SEMA4D: variants seen among roughly 807,000 people sequenced by gnomAD.
The protein encoded by SEMA4D is semaphorin 4D.
A neutral mutation model predicts 74.8 loss-of-function variants in SEMA4D; 22 were observed. The ratio of observed to expected loss-of-function variants is 0.29; its 90% CI spans 0.21 to 0.42. The LOEUF (loss-of-function observed/expected upper bound fraction) is 0.42. Ranked by LOEUF, SEMA4D falls within the 10% of genes least tolerant of loss-of-function variation. SEMA4D has a pLI of 1.00. For synonymous variants in SEMA4D, 445 were observed against 463.7 expected, an observed-to-expected ratio of 0.96 and a Z score of 0.52; for missense variants, 937 against 1,118.4, an observed-to-expected ratio of 0.84 and a Z score of 2.31.
At chr9:89,435,808 G>T (rs538638736) in intron 2 of SEMA4D, among the ~76,000 whole-genome samples, 1 of 152,206 alleles carries the variant, frequency 6.6e-6, no homozygotes, top group African/African-American at 2.4e-5. Context: ...TTGCATGTCC[G>T]GCCTTTCCTT....
rs1313136205 is a variant in SEMA4D at position 89,386,063 on chromosome 9, G to T, written c.1446+304C>A. On this transcript the variant is annotated intron_variant, in intron 13 of 15. Transcript: ENST00000422704. Reference sequence around the variant, plus strand: ...CCCCCCAAGCTCAGGGCATAAAAAGGTGTCTTCATGGAGCAGTGCCCACCT... The same window carrying T: ...CCCCCCAAGCTCAGGGCATAAAAAGTTGTCTTCATGGAGCAGTGCCCACCT... 3.0e-6 allele frequency: 3 copies of T among 985,330 alleles called. No individual in the cohort carries two copies. The African/African-American group carries it at 5.2e-5, about 17-fold the overall frequency. 61.0% of individuals were successfully genotyped at this position (985,330 alleles called of 1,614,324 possible).
chr9:89,363,431 C>G (rs1323789887), exon 18 of SEMA4D: 2 of 1,612,704 alleles, frequency 1.2e-6, no homozygotes, highest in Non-Finnish European at 1.7e-6. Context: ...GCCACTTACC[C>G]ACGCCTTCCT....
chr9:89,476,512 A>G (rs1190199021), intron 1 of SEMA4D, among the ~76,000 whole-genome samples: 1 of 152,176 alleles, frequency 6.6e-6, no homozygotes, highest in African/African-American at 2.4e-5. Context: ...AATCAGCTGA[A>G]GGCATGAATA....
chr9:89,418,431 G>A (rs1846167236), intron 2 of SEMA4D: 2 of 985,264 alleles, frequency 2.0e-6, no homozygotes, highest in Non-Finnish European at 2.4e-6. Context: ...ATTCCAGTTA[G>A]CAGAGTCTGT....
intron 2 of SEMA4D, among the ~76,000 whole-genome samples, chr9:89,422,969 AGCAATGTG>A (rs1276716722): frequency 1.4e-5 from 2 of 144,106 alleles, no homozygotes; most frequent in African/African-American, 2.4e-5. Context: ...GCAATGTGTC[AGCAATGTG>A]TTCTTCTCTT....
rs944186384 is a variant in SEMA4D at position 89,379,577 on chromosome 9, C to T, written c.1716G>A (p.Ala572=). Reference sequence around the variant, plus strand: ...TGGATTTTTGGGAGCATTTCAGTTCCGCTGTGCCACCGTGCTTGAAAAAAT... The same window carrying T: ...TGGATTTTTGGGAGCATTTCAGTTCTGCTGTGCCACCGTGCTTGAAAAAAT... ...RQHFFKHGGT[A]ELKCSQKSNL... is the part of the protein sequence containing the mutation. Residue 572 remains alanine (A), a synonymous_variant, in exon 16 of 16, where the codon GCG becomes GCA. Transcript: ENST00000422704. 7.4e-6 allele frequency: 12 copies of T among 1,613,872 alleles called. No homozygotes were observed. Among genetic ancestry groups the T allele is most frequent in the African/African-American group, 5.3e-5 (4 of 74,906 alleles).
chr9:89,434,018 C>G (rs72748994), intron 2 of SEMA4D, among the ~76,000 whole-genome samples: 1 of 152,184 alleles, frequency 6.6e-6, no homozygotes, highest in African/African-American at 2.4e-5. Flanking sequence ...TTGGCATGCA[C>G]GGACTGCCCC....
At position 89,455,950 on chromosome 9, in the gene SEMA4D, G is replaced by A. The variant is rs574714866; in HGVS notation, c.-306C>T. On this transcript the variant is annotated 5_prime_UTR_variant, in exon 2 of 16. Transcript: ENST00000422704. ...TTCTTTCCACTATCTGGTGTTAGCA[G>A]AGTCTGAAACAGAGTTAGAAAAGGG... 8.6e-4 allele frequency: 131 copies of A among 152,380 alleles called. No homozygotes were observed. The highest frequency in any genetic ancestry group is 3.0e-3 in the African/African-American group (125 of 41,592). The allele number at this position is 152,380 out of a possible 1,614,324, so 9.4% of individuals were successfully genotyped here.
intron 1 of SEMA4D, among the ~76,000 whole-genome samples, chr9:89,479,091 G>A (rs1862517222): frequency 6.6e-6 from 1 of 152,206 alleles, no homozygotes; most frequent in African/African-American, 2.4e-5. Context: ...GAGCTCCCAT[G>A]GCTGCCTGTG....
intron 2 of SEMA4D, among the ~76,000 whole-genome samples, chr9:89,424,983 C>G (rs1029585818): frequency 6.6e-6 from 1 of 152,132 alleles, no homozygotes; most frequent in African/African-American, 2.4e-5. Flanking sequence ...CTAGTGTCCC[C>G]AAAGGAAGCC....
At chr9:89,452,336 G>GC (rs1398114498) in intron 2 of SEMA4D, among the ~76,000 whole-genome samples, 1 of 151,908 alleles carries the variant, frequency 6.6e-6, no homozygotes, top group Non-Finnish European at 1.5e-5. Context: ...CCACCACAAT[G>GC]CCCGGCTAAT....
chr9:89,468,076 T>TA (rs1033874291), intron 1 of SEMA4D, among the ~76,000 whole-genome samples: 1 of 152,192 alleles, frequency 6.6e-6, no homozygotes, highest in African/African-American at 2.4e-5. Context: ...GTCGTGGTGT[T>TA]AGGCCTGCTC....
At chr9:89,433,533 T>A (rs1849730501) in intron 2 of SEMA4D, among the ~76,000 whole-genome samples, 2 of 152,186 alleles carry the variant, frequency 1.3e-5, no homozygotes, top group Admixed American at 1.3e-4. Context: ...ACGGTATGTG[T>A]CCTAGAGAGG....
chr9:89,377,202 G>A, downstream of SEMA4D: 3 of 1,209,888 alleles, frequency 2.5e-6, no homozygotes, highest in Non-Finnish European at 3.3e-6. Flanking sequence ...GCGGGAGGCT[G>A]CACAGCCTCC....
chr9:89,459,449 A>C (rs996860145), intron 1 of SEMA4D, among the ~76,000 whole-genome samples: 3 of 152,218 alleles, frequency 2.0e-5, no homozygotes, highest in Non-Finnish European at 2.9e-5. Context: ...GGACGCAAAG[A>C]AACAACTGGA....
At chr9:89,417,852 GAGAC>G (rs966603365) in intron 2 of SEMA4D, among the ~76,000 whole-genome samples, 1 of 152,224 alleles carries the variant, frequency 6.6e-6, no homozygotes, top group Non-Finnish European at 1.5e-5. Context: ...AGCAAGAACA[GAGAC>G]AGACAATCAC....
intron 5 of SEMA4D, among the ~76,000 whole-genome samples, chr9:89,397,411 T>G (rs963225804): frequency 1.3e-5 from 2 of 152,120 alleles, no homozygotes; most frequent in Admixed American, 6.5e-5. Context: ...ACAGCGACAC[T>G]AGGTCTACCC....
rs533944829 is a variant in SEMA4D, at chr9:89,423,950, C to G, written c.-243-18251G>C. Among the ~76,000 whole-genome samples, 29 of 148,768 alleles carry G rather than the reference C, an allele frequency of 1.9e-4. No individual in the cohort carries two copies. The South Asian group carries it at 6.1e-3, about 31-fold the overall frequency. ...TCCCTTCCCTCAGCTACTCCCTCAGCACCTCCACTCCCTCAGCACCTCCAC... is the reference window on the plus strand; with the variant it reads ...TCCCTTCCCTCAGCTACTCCCTCAGGACCTCCACTCCCTCAGCACCTCCAC... On this transcript the variant is annotated intron_variant, in intron 2 of 15. Transcript: ENST00000422704.
At chr9:89,482,194 G>A (rs1824771299) in intron 1 of SEMA4D, among the ~76,000 whole-genome samples, 1 of 152,172 alleles carries the variant, frequency 6.6e-6, no homozygotes. Flanking sequence ...TCCACTGGCT[G>A]GCTGTATCCT....
Sources: allele counts gnomAD v4.1 joint callset (sites outside exome capture counted in the v4.1 genomes callset), GRCh38; gene constraint gnomAD v4.1.1; transcripts MANE v1.5; gene names NCBI Gene and HGNC (gene_info 2026-07-23, HGNC 2026-07-21).